MMP26: variants seen among roughly 807,000 people sequenced by gnomAD.
MMP26 encodes matrix metalloproteinase-26.
MMP26 carries 33 observed loss-of-function variants against 31.0 expected under a neutral mutation model. That is an observed-to-expected ratio of 1.06 (90% CI 0.81 to 1.42). The LOEUF (loss-of-function observed/expected upper bound fraction) is 1.42, where lower values mean the gene tolerates loss of function less well. Ranked by LOEUF, MMP26 falls within the 40% of genes most tolerant of loss-of-function variation. MMP26 has a pLI of 0.00. For synonymous variants in MMP26, 122 were observed against 114.9 expected (o/e 1.06, Z -0.40); for missense variants, 347 against 316.1 (o/e 1.10, Z -0.74).
intron 2 of MMP26, among the ~76,000 whole-genome samples, chr11:4,781,767 G>T (rs985028784): frequency 1.3e-5 from 2 of 151,986 alleles, no homozygotes; most frequent in Admixed American, 1.3e-4. Context: ...GTTGTGGGAG[G>T]GACCTGGTAG....
chr11:4,978,151 G>T (rs1479036957), intron 2 of MMP26, among the ~76,000 whole-genome samples: 1 of 151,990 alleles, frequency 6.6e-6, no homozygotes, highest in Non-Finnish European at 1.5e-5. Context: ...TGCCATTATT[G>T]TAAGTTTCCC....
intron 2 of MMP26, chr11:4,822,527 T>C: frequency 1.5e-6 from 1 of 656,742 alleles, no homozygotes; most frequent in Non-Finnish European, 2.2e-6. Flanking sequence ...TCTTTGTCAA[T>C]AAATTCATGT....
At chr11:4,974,980 A>G (rs75631648) in intron 2 of MMP26, among the ~76,000 whole-genome samples, 13,729 of 151,984 alleles carry the variant, frequency 0.09, 728 homozygotes, top group Middle Eastern at 0.12. Flanking sequence ...GAGGGAGAGT[A>G]TTAGGAGAAA....
At chr11:4,839,081 TAACAACAACAACAA>T (rs1849760140) in intron 2 of MMP26, among the ~76,000 whole-genome samples, 1 of 151,526 alleles carries the variant, frequency 6.6e-6, no homozygotes, top group Non-Finnish European at 1.5e-5. Context: ...AAATAACAAA[TAACAACAACAACAA>T]AACTGGACCA....
chr11:4,971,309 A>T (rs536872046), intron 2 of MMP26, among the ~76,000 whole-genome samples: 2 of 152,266 alleles, frequency 1.3e-5, no homozygotes, highest in South Asian at 4.1e-4. Context: ...TTAAGAATCA[A>T]ATCTGTCCTT....
intron 1 of MMP26, among the ~76,000 whole-genome samples, chr11:4,760,848 C>A (rs1848561861): frequency 6.6e-6 from 1 of 152,056 alleles, no homozygotes; most frequent in African/African-American, 2.4e-5. Flanking sequence ...TAAACCAATT[C>A]AAAATATAAT....
intron 1 of MMP26, chr11:4,709,480 G>A (rs1847828235): frequency 2.8e-6 from 1 of 357,276 alleles, no homozygotes; most frequent in Non-Finnish European, 5.5e-6. Flanking sequence ...CAAATTGTAT[G>A]GTGTATAGAA....
In MMP26 at chr11:4,782,451, G is replaced by A. The variant is rs570791440; in HGVS notation, c.-145+15110G>A. On this transcript the variant is annotated intron_variant, in intron 2 of 7. Transcript: ENST00000380390. The stretch of plus-strand genomic sequence containing the variant: ...GAGGAAGAAATTTCTAAGCAGCAAA[G>A]CATTCAAGAGGAGACTTGGGTGCTG... 3.5e-4 allele frequency among the ~76,000 whole-genome samples: 53 copies of A among 152,316 alleles called. No homozygotes were observed. In the South Asian group the frequency reaches 0.01, roughly 30 times the overall value.
intron 1 of MMP26, among the ~76,000 whole-genome samples, chr11:4,737,852 T>A (rs1310115296): frequency 6.6e-6 from 1 of 152,214 alleles, no homozygotes; most frequent in African/African-American, 2.4e-5. Flanking sequence ...AAGAAAAATA[T>A]ACATGTATGT....
intron 1 of MMP26, 41 bp from the exon 2 acceptor site, chr11:4,767,229 T>C (rs993754661): frequency 1.3e-5 from 2 of 152,182 alleles, no homozygotes; most frequent in Admixed American, 1.3e-4. Context: ...CTTCCATGAA[T>C]AGTAAAATTG....
At chr11:4,722,884 G>T in intron 1 of MMP26, 3 of 800,528 alleles carry the variant, frequency 3.7e-6, no homozygotes, top group East Asian at 4.8e-5. Context: ...CATAGCTGAG[G>T]CCAGGGCTTG....
At position 4,943,137 on chromosome 11, in the gene MMP26, T is replaced by A. The variant is rs561141550; in HGVS notation, c.-144-44931T>A. ...TGTAGTGTTCCATCCCTTACAATGT[T>A]TTCCCACAAACCTCTCACAAATGAC... is the stretch of plus-strand genomic sequence containing the variant. On this transcript the variant is annotated intron_variant, in intron 2 of 7. Coordinates refer to ENST00000380390, the MANE Select transcript of MMP26 (RefSeq NM_021801.5). The A allele has an allele frequency of 1.6e-5, 3 of 182,512 alleles. No homozygotes were observed. The South Asian group carries it at 3.6e-4, about 22-fold the overall frequency. The allele number at this position is 182,512 out of a possible 1,614,324, so 11.3% of individuals were successfully genotyped here.
intron 2 of MMP26, among the ~76,000 whole-genome samples, chr11:4,921,913 G>A (rs1192366537): frequency 6.6e-6 from 1 of 152,178 alleles, no homozygotes; most frequent in Non-Finnish European, 1.5e-5. Context: ...ATATTGCATA[G>A]TGGTGAAGTC....
chr11:4,748,576 C>CAAAAAAAAA (rs376553434), intron 1 of MMP26, among the ~76,000 whole-genome samples: 1 of 122,720 alleles, frequency 8.1e-6, no homozygotes, highest in African/African-American at 2.9e-5. Context: ...AACAGCACAT[C>CAAAAAAAAA]AAAAAAAAAA....
intron 2 of MMP26, among the ~76,000 whole-genome samples, chr11:4,798,274 G>A (rs1046757898): frequency 6.6e-6 from 1 of 152,072 alleles, no homozygotes; most frequent in African/African-American, 2.4e-5. Context: ...TCCACCTCTG[G>A]CCTCAGAAGA....
chr11:4,788,111 C>G (rs1848973469), intron 2 of MMP26, among the ~76,000 whole-genome samples: 1 of 152,176 alleles, frequency 6.6e-6, no homozygotes, highest in South Asian at 2.1e-4. Flanking sequence ...CAGTTCTGCT[C>G]TCTCCCAGAA....
At position 4,828,725 on chromosome 11, in the gene MMP26, T is replaced by C. The variant is rs116512848; in HGVS notation, c.-145+61384T>C. On this transcript the variant is annotated intron_variant, in intron 2 of 7. Transcript: ENST00000380390. ...CTCTCTTGGTTCGACACTTATGTGCTTCTTTTCTAGGCCTTAATTATATTT... is the reference window on the plus strand; with the variant it reads ...CTCTCTTGGTTCGACACTTATGTGCCTCTTTTCTAGGCCTTAATTATATTT... Among the ~76,000 whole-genome samples the C allele has an allele frequency of 4.0e-3, 609 of 152,312 alleles. 3 individuals are homozygous for C. The highest frequency in any genetic ancestry group is 0.014 in the African/African-American group (582 of 41,574).
At chr11:4,812,943 C>CT (rs1017904014) in intron 2 of MMP26, among the ~76,000 whole-genome samples, 92 of 143,006 alleles carry the variant, frequency 6.4e-4, no homozygotes, top group Admixed American at 4.2e-3. Context: ...CTGAGATTTT[C>CT]TTTTTTTTTT....
rs1452121787 is a variant in MMP26, at chr11:4,962,281, T to C, written c.-144-25787T>C. Reference sequence around the variant, plus strand: ...AATGAATTAAAAGTCCTAGTCTCAATTTGGAGACCTCTGTATTTCAATTAA... The same window carrying C: ...AATGAATTAAAAGTCCTAGTCTCAACTTGGAGACCTCTGTATTTCAATTAA... On this transcript the variant is annotated intron_variant, in intron 2 of 7. Transcript: ENST00000380390. Among the ~76,000 whole-genome samples the C allele has an allele frequency of 3.9e-5, 6 of 152,170 alleles. No individual in the cohort carries two copies. In the South Asian group the frequency reaches 1.0e-3, roughly 26 times the overall value.
Sources: gnomAD v4.1 joint callset for allele counts (sites outside exome capture counted in the v4.1 genomes callset) on GRCh38, gnomAD v4.1.1 for gene constraint, MANE v1.5 for transcripts, NCBI Gene and HGNC (gene_info 2026-07-23, HGNC 2026-07-21) for gene names.